CTNNA2: variants seen among roughly 807,000 people sequenced by gnomAD.
CTNNA2 encodes catenin alpha-2.
Under a neutral mutation model 101.0 loss-of-function variants are expected in CTNNA2, and 42 were observed. That is an observed-to-expected ratio of 0.42 (90% CI 0.32 to 0.54). The LOEUF is 0.54. Among genes scored for constraint, CTNNA2 ranks in the 20% least tolerant of loss-of-function variants. CTNNA2 has a pLI of 0.14. For synonymous variants in CTNNA2, 450 were observed against 456.4 expected (o/e 0.99, Z 0.18); for missense variants, 871 against 1,223.1 (o/e 0.71, Z 4.29).
intron 2 of CTNNA2, among the ~76,000 whole-genome samples, chr2:79,701,119 A>G (rs1257339847): frequency 6.6e-6 from 1 of 152,122 alleles, no homozygotes; most frequent in African/African-American, 2.4e-5. Flanking sequence ...AATAATAGCT[A>G]TGATTTGTTG....
Position 79,868,718 on chromosome 2 carries a change from C to A in CTNNA2, c.466-1098C>A, listed in dbSNP as rs183723690. Among the ~76,000 whole-genome samples, 102 of 152,294 alleles carry A rather than the reference C, an allele frequency of 6.7e-4. 1 individual carries two copies. Among genetic ancestry groups the A allele is most frequent in the Admixed American group, 8.5e-4 (13 of 15,292 alleles). On this transcript the variant is annotated intron_variant, in intron 4 of 18. Coordinates refer to ENST00000402739, the MANE Select transcript of CTNNA2 (RefSeq NM_001282597.3). ...AGTATTTTTTGCATTTCTCATTACTCTTTCTTTCAAAGCTGCCTTCTCGCT... is the reference window on the plus strand; with the variant it reads ...AGTATTTTTTGCATTTCTCATTACTATTTCTTTCAAAGCTGCCTTCTCGCT...
chr2:80,556,929 G>A (rs945877909), intron 12 of CTNNA2, among the ~76,000 whole-genome samples: 9 of 152,154 alleles, frequency 5.9e-5, no homozygotes, highest in African/African-American at 2.2e-4. Context: ...ATCTCTGAAA[G>A]GTCAGATATA....
intron 9 of CTNNA2, among the ~76,000 whole-genome samples, chr2:80,530,931 G>A (rs1213188213): frequency 6.6e-6 from 1 of 152,170 alleles, no homozygotes; most frequent in African/African-American, 2.4e-5. Flanking sequence ...GAACATGGGG[G>A]AAAATGCAAT....
intron 1 of CTNNA2, among the ~76,000 whole-genome samples, chr2:79,588,721 A>C (rs1164414667): frequency 2.6e-5 from 4 of 152,346 alleles, no homozygotes; most frequent in African/African-American, 7.2e-5. Flanking sequence ...CATTCAAAAA[A>C]GTTTAGAGTT....
intron 3 of CTNNA2, among the ~76,000 whole-genome samples, chr2:79,849,319 G>A (rs1464885207): frequency 1.3e-5 from 2 of 150,668 alleles, no homozygotes; most frequent in African/African-American, 4.9e-5. Flanking sequence ...AAGCAGATAA[G>A]GCTTTCTTCT....
chr2:80,335,354 G>T (rs953977715), intron 7 of CTNNA2, among the ~76,000 whole-genome samples: 8 of 152,176 alleles, frequency 5.3e-5, no homozygotes, highest in Non-Finnish European at 8.8e-5. Context: ...AACTGGGGAT[G>T]GAGAATATAG....
intron 1 of CTNNA2, among the ~76,000 whole-genome samples, chr2:79,616,032 T>G (rs578233332): frequency 6.6e-6 from 1 of 152,284 alleles, no homozygotes; most frequent in South Asian, 2.1e-4. Flanking sequence ...GAGACATGTT[T>G]TCTGTGGCTT....
At chr2:80,161,682 TATG>T (rs999865177) in intron 7 of CTNNA2, among the ~76,000 whole-genome samples, 9 of 152,158 alleles carry the variant, frequency 5.9e-5, no homozygotes. Flanking sequence ...TCCAAAAAAG[TATG>T]CTTTCAGTAA....
chr2:79,302,915 A>T (rs1676146839), intron 2 of CTNNA2, among the ~76,000 whole-genome samples: 1 of 152,212 alleles, frequency 6.6e-6, no homozygotes, highest in Non-Finnish European at 1.5e-5. Flanking sequence ...AGGTATTTTT[A>T]AATTATCCTT....
intron 9 of CTNNA2, among the ~76,000 whole-genome samples, chr2:80,494,384 A>G (rs1687281463): frequency 6.6e-6 from 1 of 152,216 alleles, no homozygotes; most frequent in East Asian, 1.9e-4. Context: ...TGGGAAACAG[A>G]TTCCAAATAC....
intron 15 of CTNNA2, among the ~76,000 whole-genome samples, chr2:80,599,997 C>T (rs62151983): frequency 0.015 from 2,163 of 143,312 alleles, 22 homozygotes; most frequent in Non-Finnish European, 0.025. Context: ...CAATTTTTCT[C>T]ATGTTATTTT....
rs147761327 is a variant in CTNNA2 at position 80,645,983 on chromosome 2, C to G, written c.2575-1602C>G. Reference sequence around the variant, plus strand: ...CTCATTTGATTGACATTTTTAAAAACACAGCGCAACATTAATTTAGCTTAA... The same window carrying G: ...CTCATTTGATTGACATTTTTAAAAAGACAGCGCAACATTAATTTAGCTTAA... On this transcript the variant is annotated intron_variant, in intron 18 of 18. Coordinates refer to ENST00000402739, the MANE Select transcript of CTNNA2 (RefSeq NM_001282597.3). Among the ~76,000 whole-genome samples the G allele has an allele frequency of 2.0e-3, 305 of 152,172 alleles. 2 individuals are homozygous for G. The highest frequency in any genetic ancestry group is 6.9e-3 in the African/African-American group (287 of 41,514).
chr2:79,452,838 A>G (rs965266718), intron 4 of CTNNA2, among the ~76,000 whole-genome samples: 1 of 152,100 alleles, frequency 6.6e-6, no homozygotes, highest in Non-Finnish European at 1.5e-5. Flanking sequence ...ATTGAGTTCC[A>G]TTATAACTTT....
At chr2:80,218,461 G>T (rs548691629) in intron 7 of CTNNA2, among the ~76,000 whole-genome samples, 1 of 152,340 alleles carries the variant, frequency 6.6e-6, no homozygotes, top group South Asian at 2.1e-4. Context: ...GCAGACATCC[G>T]ATTATTGACC....
At chr2:80,347,740 T>C (rs553882256) in intron 7 of CTNNA2, among the ~76,000 whole-genome samples, 1 of 152,118 alleles carries the variant, frequency 6.6e-6, no homozygotes, top group African/African-American at 2.4e-5. Flanking sequence ...CCCTAGAAGC[T>C]TTTTGGAAGG....
At chr2:79,925,707 TGTGACTCTTA>T (rs1358202624) in intron 7 of CTNNA2, among the ~76,000 whole-genome samples, 1 of 152,010 alleles carries the variant, frequency 6.6e-6, no homozygotes, top group Non-Finnish European at 1.5e-5. Flanking sequence ...GAGGAATGAG[TGTGACTCTTA>T]GTTCCCTCTG....
intron 7 of CTNNA2, among the ~76,000 whole-genome samples, chr2:79,966,563 A>C (rs1256577529): frequency 6.6e-6 from 1 of 152,164 alleles, no homozygotes; most frequent in East Asian, 1.9e-4. Flanking sequence ...CACCTACGTC[A>C]TTAACCTTAA....
chr2:80,120,520 AT>A (rs1553453734), intron 7 of CTNNA2, among the ~76,000 whole-genome samples: 1 of 152,156 alleles, frequency 6.6e-6, no homozygotes. Flanking sequence ...TAAGAGTTGC[AT>A]GGGGATCAGG....
intron 7 of CTNNA2, among the ~76,000 whole-genome samples, chr2:80,371,764 AAGGTTGG>A (rs1270863781): frequency 6.6e-6 from 1 of 152,156 alleles, no homozygotes; most frequent in African/African-American, 2.4e-5. Flanking sequence ...GGTGGAAGGT[AAGGTTGG>A]AGAGCAAACC....
Sources: gnomAD v4.1 joint callset for allele counts (sites outside exome capture counted in the v4.1 genomes callset) on GRCh38, gnomAD v4.1.1 for gene constraint, MANE v1.5 for transcripts, NCBI Gene and HGNC (gene_info 2026-07-23, HGNC 2026-07-21) for gene names.